PRICKLE2: variants seen among roughly 807,000 people sequenced by gnomAD.
The protein encoded by PRICKLE2 is prickle planar cell polarity protein 2.
In PRICKLE2, 21 loss-of-function variants were observed where a neutral mutation model predicts 81.4. That is an observed-to-expected ratio of 0.26 (90% confidence interval 0.18 to 0.37). The LOEUF (loss-of-function observed/expected upper bound fraction) is 0.37. Among genes scored for constraint, PRICKLE2 ranks in the 10% least tolerant of loss-of-function variants. The pLI is 1.00. For synonymous variants in PRICKLE2, 456 were observed against 421.5 expected (o/e 1.08, Z -1.00); for missense variants, 940 against 1,109.0 (o/e 0.85, Z 2.16).
intron 2 of PRICKLE2, among the ~76,000 whole-genome samples, chr3:64,266,154 T>C (rs550205157): frequency 1.3e-4 from 19 of 151,928 alleles, no homozygotes; most frequent in Middle Eastern, 3.2e-3. Context: ...TCCTGGTAAT[T>C]TCCTGCAGAC....
intron 2 of PRICKLE2, among the ~76,000 whole-genome samples, chr3:64,232,977 C>T (rs2079127560): frequency 6.6e-6 from 1 of 152,206 alleles, no homozygotes; most frequent in African/African-American, 2.4e-5. Flanking sequence ...GGAACACAAT[C>T]ATGACCATTC....
At chr3:64,206,505 A>G (rs971883048) in intron 1 of PRICKLE2, among the ~76,000 whole-genome samples, 3 of 152,116 alleles carry the variant, frequency 2.0e-5, no homozygotes, top group African/African-American at 7.2e-5. Flanking sequence ...GGGGTGTGAA[A>G]AGGCACTGGT....
At chr3:64,114,101 T>G (rs2106956972) in intron 7 of PRICKLE2, among the ~76,000 whole-genome samples, 1 of 151,948 alleles carries the variant, frequency 6.6e-6, no homozygotes, top group East Asian at 1.9e-4. Flanking sequence ...AGTTGGGAGC[T>G]GGGTGTTGGC....
At chr3:64,143,678 C>T (rs926360442) in intron 7 of PRICKLE2, among the ~76,000 whole-genome samples, 1 of 152,182 alleles carries the variant, frequency 6.6e-6, no homozygotes, top group African/African-American at 2.4e-5. Context: ...CTGGGCCCCA[C>T]CTCTGTAGAG....
At chr3:64,134,474 C>A (rs1182639036) in intron 7 of PRICKLE2, among the ~76,000 whole-genome samples, 2 of 152,158 alleles carry the variant, frequency 1.3e-5, no homozygotes, top group African/African-American at 2.4e-5. Context: ...GCTTATGGAG[C>A]TGGATAATTC....
At chr3:64,240,329 G>A (rs1042057454) in intron 2 of PRICKLE2, among the ~76,000 whole-genome samples, 1 of 152,160 alleles carries the variant, frequency 6.6e-6, no homozygotes, top group Non-Finnish European at 1.5e-5. Context: ...GTCAGTGAAT[G>A]AAGGATTAAA....
chr3:64,179,755 G>C (rs1054036004), intron 2 of PRICKLE2, among the ~76,000 whole-genome samples: 1 of 152,176 alleles, frequency 6.6e-6, no homozygotes, highest in African/African-American at 2.4e-5. Flanking sequence ...ATTTTGGCAA[G>C]TGGGCACATT....
chr3:64,123,219 A>G (rs1304165855), intron 7 of PRICKLE2, among the ~76,000 whole-genome samples: 1 of 152,234 alleles, frequency 6.6e-6, no homozygotes, highest in Non-Finnish European at 1.5e-5. Flanking sequence ...AAATCAAAGT[A>G]TCCAACAAGA....
chr3:64,236,158 T>C (rs2079176966), intron 2 of PRICKLE2, among the ~76,000 whole-genome samples: 1 of 152,184 alleles, frequency 6.6e-6, no homozygotes, highest in South Asian at 2.1e-4. Context: ...TCTACCATGC[T>C]CCTCACACTG....
At chr3:64,222,221 TG>T (rs1473540984) in intron 1 of PRICKLE2, among the ~76,000 whole-genome samples, 1 of 152,192 alleles carries the variant, frequency 6.6e-6, no homozygotes, top group Non-Finnish European at 1.5e-5. Flanking sequence ...GCAACTCTCC[TG>T]AGATCATACC....
chr3:64,261,402 G>A (rs1468039814), intron 2 of PRICKLE2, among the ~76,000 whole-genome samples: 1 of 152,130 alleles, frequency 6.6e-6, no homozygotes, highest in Non-Finnish European at 1.5e-5. Flanking sequence ...ACTGAAGATG[G>A]GATTTAAATG....
At chr3:64,163,344 C>T (rs2077765352) in intron 2 of PRICKLE2, 1 of 601,782 alleles carries the variant, frequency 1.7e-6, no homozygotes, top group East Asian at 2.8e-5. Flanking sequence ...GGGATTTTTC[C>T]CTCTCTCTGT....
chr3:64,132,453 C>T (rs1376815840), intron 7 of PRICKLE2, among the ~76,000 whole-genome samples: 3 of 152,184 alleles, frequency 2.0e-5, no homozygotes, highest in South Asian at 2.1e-4. Flanking sequence ...TTCTATCTAT[C>T]TCCTTCATTA....
At chr3:64,184,937 T>C (rs1305558315) in intron 2 of PRICKLE2, among the ~76,000 whole-genome samples, 3 of 152,204 alleles carry the variant, frequency 2.0e-5, no homozygotes, top group Non-Finnish European at 2.9e-5. Context: ...TCAACACACG[T>C]AGAATTGCCA....
chr3:64,251,173 T>C (rs1575715403), intron 2 of PRICKLE2, among the ~76,000 whole-genome samples: 1 of 152,196 alleles, frequency 6.6e-6, no homozygotes, highest in South Asian at 2.1e-4. Flanking sequence ...GGGAGGCTGG[T>C]TATCTTCACT....
chr3:64,140,521 C>A (rs2077343661), intron 7 of PRICKLE2, among the ~76,000 whole-genome samples: 2 of 152,190 alleles, frequency 1.3e-5, no homozygotes, highest in South Asian at 4.1e-4. Flanking sequence ...ACACCAGCAT[C>A]CTTCACCAGG....
At chr3:64,214,899 G>A (rs1227268711) in intron 1 of PRICKLE2, among the ~76,000 whole-genome samples, 1 of 152,062 alleles carries the variant, frequency 6.6e-6, no homozygotes, top group African/African-American at 2.4e-5. Flanking sequence ...TGGTGCACGG[G>A]ATGAGTCTTA....
In PRICKLE2 at chr3:64,099,441, G is replaced by A. The variant is rs768948792; in HGVS notation, c.2145C>T (p.Pro715=). ...CATAGTCCTCCCTGGCTCTCAGAGG[G>A]GGCCTATCTTTTAACCGGGAGATGG... ...REAISRLKDR[P]PLRAREDYDQ... Residue 715 remains proline, a synonymous_variant, in exon 8 of 8, where the codon CCC becomes CCT. Transcript: ENST00000638394. This position sits in a 1 kb window ranked among gnomAD's most constrained non-coding sequence, Gnocchi z 4.3. The A allele has an allele frequency of 6.3e-7, 1 of 1,587,322 alleles. No homozygotes were observed. The highest frequency in any genetic ancestry group is 8.6e-7 in the Non-Finnish European group (1 of 1,163,670).
intron 1 of PRICKLE2, among the ~76,000 whole-genome samples, chr3:64,219,744 C>T (rs1386350897): frequency 3.9e-5 from 6 of 152,150 alleles, no homozygotes; most frequent in Non-Finnish European, 8.8e-5. Context: ...AACACATCCC[C>T]AGGGGACATT....
Sources: gnomAD v4.1 joint callset for allele counts (sites outside exome capture counted in the v4.1 genomes callset) on GRCh38, gnomAD v4.1.1 for gene constraint, Gnocchi (gnomAD v3.1) non-coding constraint, MANE v1.5 for transcripts, NCBI Gene and HGNC (gene_info 2026-07-23, HGNC 2026-07-21) for gene names.